CDKAL1: variants seen among roughly 807,000 people sequenced by gnomAD.
CDKAL1 encodes CDKAL1 threonylcarbamoyladenosine tRNA methylthiotransferase.
A neutral mutation model predicts 68.2 loss-of-function variants in CDKAL1; 32 were observed. The ratio of observed to expected loss-of-function variants is 0.47; its 90% CI spans 0.35 to 0.63. The LOEUF (loss-of-function observed/expected upper bound fraction) is 0.63. CDKAL1 is among the 30% of genes least tolerant of loss of function. The pLI is 0.00. For synonymous variants in CDKAL1, 234 were observed against 244.3 expected, an observed-to-expected ratio of 0.96 and a Z score of 0.39; for missense variants, 606 against 696.7, an observed-to-expected ratio of 0.87 and a Z score of 1.47.
intron 11 of CDKAL1, among the ~76,000 whole-genome samples, chr6:21,006,589 T>C (rs902934766): frequency 6.6e-6 from 1 of 152,250 alleles, no homozygotes; most frequent in Non-Finnish European, 1.5e-5. Context: ...TTTAGAACTT[T>C]TCTAATGAAT....
chr6:20,905,805 A>G (rs1261191754), intron 9 of CDKAL1, among the ~76,000 whole-genome samples: 2 of 150,580 alleles, frequency 1.3e-5, no homozygotes, highest in Non-Finnish European at 2.9e-5. Context: ...GAAAAAAACA[A>G]AACAACACAA....
intron 4 of CDKAL1, among the ~76,000 whole-genome samples, chr6:20,619,884 T>A (rs1767098938): frequency 6.6e-6 from 1 of 152,240 alleles, no homozygotes; most frequent in Non-Finnish European, 1.5e-5. Flanking sequence ...CCCTATTTTC[T>A]ATATGTATTC....
intron 15 of CDKAL1, among the ~76,000 whole-genome samples, chr6:21,219,464 C>T (rs1030257095): frequency 6.6e-6 from 1 of 152,084 alleles, no homozygotes; most frequent in South Asian, 2.1e-4. Context: ...GTGTGGAACC[C>T]ACAAATATGG....
chr6:20,910,768 T>C (rs979189134), intron 9 of CDKAL1, among the ~76,000 whole-genome samples: 1 of 152,270 alleles, frequency 6.6e-6, no homozygotes, highest in Non-Finnish European at 1.5e-5. Context: ...TGAAGTCATT[T>C]AGGGTAGGCT....
chr6:20,665,572 G>T (rs1207360801), intron 5 of CDKAL1, among the ~76,000 whole-genome samples: 1 of 151,986 alleles, frequency 6.6e-6, no homozygotes, highest in African/African-American at 2.4e-5. Context: ...ATGACACAAA[G>T]TATGTTCTTC....
At chr6:20,817,392 C>T (rs10946412) in intron 8 of CDKAL1, among the ~76,000 whole-genome samples, 97,811 of 152,000 alleles carry the variant, frequency 0.64, 31,822 homozygotes, top group African/African-American at 0.68. Flanking sequence ...ACTGTCTCTT[C>T]GTAGTAAATT....
intron 4 of CDKAL1, among the ~76,000 whole-genome samples, chr6:20,579,915 A>C (rs1765072524): frequency 6.6e-6 from 1 of 152,196 alleles, no homozygotes; most frequent in Admixed American, 6.5e-5. Context: ...GGAGGGAAGG[A>C]TATGTAGGAA....
At chr6:21,109,987 A>G (rs1167126318) in intron 13 of CDKAL1, among the ~76,000 whole-genome samples, 1 of 152,126 alleles carries the variant, frequency 6.6e-6, no homozygotes, top group African/African-American at 2.4e-5. Flanking sequence ...TCCTCCTCAT[A>G]TCCTTTGTGG....
chr6:21,029,300 T>G lies in CDKAL1; in HGVS notation c.1055+28928T>G, dbSNP rs367917555. Among the ~76,000 whole-genome samples the G allele has an allele frequency of 1.8e-4, 28 of 152,276 alleles. No homozygotes were observed. In the East Asian group the frequency reaches 5.2e-3, roughly 28 times the overall value. On this transcript the variant is annotated intron_variant, in intron 11 of 15. Transcript: ENST00000274695. ...TCAAACTCCTCCTGGGCTCAAGTGA[T>G]CTTTCCACCTTGGCCTCCCAAAGTG...
intron 4 of CDKAL1, among the ~76,000 whole-genome samples, chr6:20,641,275 A>G (rs965894932): frequency 6.6e-6 from 1 of 152,212 alleles, no homozygotes; most frequent in African/African-American, 2.4e-5. Context: ...AAAAACATTT[A>G]AAAAGCGTTG....
intron 15 of CDKAL1, among the ~76,000 whole-genome samples, chr6:21,214,990 A>C (rs1425992840): frequency 1.3e-5 from 2 of 152,212 alleles, no homozygotes; most frequent in African/African-American, 4.8e-5. Context: ...GATATGGGTT[A>C]TCTTTTGCCA....
chr6:20,639,347 C>G (rs1768056707), intron 4 of CDKAL1, among the ~76,000 whole-genome samples: 2 of 152,090 alleles, frequency 1.3e-5, no homozygotes, highest in South Asian at 4.2e-4. Context: ...GAGACTCACT[C>G]TACAGACACC....
chr6:20,576,619 G>T (rs1764918167), intron 4 of CDKAL1, among the ~76,000 whole-genome samples: 1 of 152,158 alleles, frequency 6.6e-6, no homozygotes, highest in East Asian at 1.9e-4. Context: ...TTATTTGTGT[G>T]ACCTGTGAAG....
intron 8 of CDKAL1, among the ~76,000 whole-genome samples, chr6:20,811,399 G>T (rs1237661317): frequency 6.6e-6 from 1 of 152,194 alleles, no homozygotes; most frequent in Non-Finnish European, 1.5e-5. Flanking sequence ...CCTGGCGAAT[G>T]TTAACCCTTT....
chr6:21,119,908 C>G (rs1774621222), intron 13 of CDKAL1, among the ~76,000 whole-genome samples: 1 of 152,142 alleles, frequency 6.6e-6, no homozygotes, highest in African/African-American at 2.4e-5. Context: ...CCTTAGAGCT[C>G]ATGGAGTCCC....
chr6:20,817,042 A>G (rs1238767585), intron 8 of CDKAL1, among the ~76,000 whole-genome samples: 3 of 152,166 alleles, frequency 2.0e-5, no homozygotes, highest in African/African-American at 4.8e-5. Context: ...TATGTTGCAT[A>G]TGCTATTTTT....
At chr6:20,562,893 T>A (rs2127670452) in intron 4 of CDKAL1, among the ~76,000 whole-genome samples, 1 of 152,338 alleles carries the variant, frequency 6.6e-6, no homozygotes, top group Middle Eastern at 3.4e-3. Flanking sequence ...ATGGGTGAAG[T>A]AACTACATTT....
At chr6:20,910,476 A>G (rs1430728489) in intron 9 of CDKAL1, among the ~76,000 whole-genome samples, 1 of 152,160 alleles carries the variant, frequency 6.6e-6, no homozygotes, top group Non-Finnish European at 1.5e-5. Context: ...TCCTGTGGAG[A>G]AAATAGATTC....
At chr6:20,867,271 C>T (rs115444976) in intron 9 of CDKAL1, among the ~76,000 whole-genome samples, 3,212 of 151,982 alleles carry the variant, frequency 0.021, 101 homozygotes, top group African/African-American at 0.07. Context: ...AGATTGTCAC[C>T]GAAAGGAAAG....
Sources: gnomAD v4.1 joint callset for allele counts (sites outside exome capture counted in the v4.1 genomes callset) on GRCh38, gnomAD v4.1.1 for gene constraint, MANE v1.5 for transcripts, NCBI Gene and HGNC (gene_info 2026-07-23, HGNC 2026-07-21) for gene names.